MAGI1: variants seen among roughly 807,000 people sequenced by gnomAD.
MAGI1 encodes membrane associated guanylate kinase, WW and PDZ domain containing 1.
A neutral mutation model predicts 139.9 loss-of-function variants in MAGI1; 58 were observed. The observed-to-expected ratio is 0.41, with a 90% CI of 0.34 to 0.52. The LOEUF (loss-of-function observed/expected upper bound fraction) is 0.52. Ranked by LOEUF, MAGI1 falls within the 20% of genes least tolerant of loss-of-function variation. The pLI is 0.12. For synonymous variants in MAGI1, 812 were observed against 737.9 expected (o/e 1.10, Z -1.63); for missense variants, 1,874 against 1,901.6 (o/e 0.99, Z 0.27).
intron 2 of MAGI1, among the ~76,000 whole-genome samples, chr3:65,510,035 C>T (rs2077501142): frequency 6.6e-6 from 1 of 152,056 alleles, no homozygotes; most frequent in Non-Finnish European, 1.5e-5. Context: ...CAGCCCCCAG[C>T]AGGGGCACAC....
rs370502252 is a variant in MAGI1, at chr3:65,370,293, AT to A, written c.3197-5348del. ...AAAAAAAAAAAATTGAGCATCACAT[AT>A]TCACCCTCTGCCAGACTTGATTCCC... On this transcript the variant is annotated intron_variant, in intron 18 of 22. Coordinates refer to ENST00000402939, the MANE Select transcript of MAGI1 (RefSeq NM_001033057.2). Among the ~76,000 whole-genome samples, 25 of 152,288 alleles carry A rather than the reference AT, an allele frequency of 1.6e-4. No individual in the cohort carries two copies. In the South Asian group the frequency reaches 5.2e-3, roughly 32 times the overall value.
intron 1 of MAGI1, among the ~76,000 whole-genome samples, chr3:65,883,131 A>G (rs965381916): frequency 2.0e-5 from 3 of 152,138 alleles, no homozygotes; most frequent in Non-Finnish European, 4.4e-5. Flanking sequence ...GCTGTAGTAA[A>G]ACGTCACAGG....
intron 17 of MAGI1, 50 bp from the exon 18 acceptor site, chr3:65,375,995 C>T (rs1428832855): frequency 1.4e-6 from 2 of 1,392,546 alleles, no homozygotes; most frequent in Admixed American, 1.8e-5. Flanking sequence ...GGGAATATAG[C>T]AAAGGGAAGA....
chr3:65,457,540 T>C (rs1228143848), intron 5 of MAGI1, among the ~76,000 whole-genome samples: 1 of 152,230 alleles, frequency 6.6e-6, no homozygotes, highest in Non-Finnish European at 1.5e-5. Context: ...ATCCAATATA[T>C]GGTTTGTTAG....
At chr3:65,545,984 A>G (rs2079480794) in intron 2 of MAGI1, among the ~76,000 whole-genome samples, 1 of 145,242 alleles carries the variant, frequency 6.9e-6, no homozygotes, top group African/African-American at 2.6e-5. Context: ...TCACACACAC[A>G]CACACACACG....
chr3:66,013,406 T>TAA (rs35481450), intron 1 of MAGI1, among the ~76,000 whole-genome samples: 3,709 of 109,918 alleles, frequency 0.034, 77 homozygotes, highest in Middle Eastern at 0.048. Flanking sequence ...CTGTCTCAAA[T>TAA]AAAAAAAAAA....
At chr3:65,987,407 G>C (rs72909001) in intron 1 of MAGI1, among the ~76,000 whole-genome samples, 4 of 152,016 alleles carry the variant, frequency 2.6e-5, no homozygotes. Context: ...GTAAGTCAAC[G>C]AACACAGTGC....
At chr3:65,995,368 C>A (rs567630698) in intron 1 of MAGI1, among the ~76,000 whole-genome samples, 1 of 152,124 alleles carries the variant, frequency 6.6e-6, no homozygotes, top group African/African-American at 2.4e-5. Flanking sequence ...TGGCTCACAC[C>A]GTCCCAATGC....
intron 1 of MAGI1, among the ~76,000 whole-genome samples, chr3:65,936,927 GTGGTGGTGATGGTGGTGGTGATGGTGA>G (rs2063086250): frequency 2.7e-5 from 4 of 150,492 alleles, no homozygotes; most frequent in South Asian, 4.2e-4. Context: ...GTTGGTGGTG[GTGGTGGTGATGGTGGTGGTGATGGTGA>G]TGGTGGTGGT....
intron 1 of MAGI1, among the ~76,000 whole-genome samples, chr3:65,644,905 G>A (rs988621831): frequency 5.3e-5 from 8 of 151,572 alleles, no homozygotes; most frequent in African/African-American, 1.9e-4. Context: ...GCTGAGGTAG[G>A]AGAATCACTT....
At position 65,486,964 on chromosome 3, in the gene MAGI1, C is replaced by T. The variant is rs150426935; in HGVS notation, c.550+6548G>A. ...GATTGTCATCATCTGTCTTTTCTACCTCGTTCTCACAATAACCAATACATT... is the reference window on the plus strand; with the variant it reads ...GATTGTCATCATCTGTCTTTTCTACTTCGTTCTCACAATAACCAATACATT... On this transcript the variant is annotated intron_variant, in intron 3 of 22. Coordinates refer to ENST00000402939, the MANE Select transcript of MAGI1 (RefSeq NM_001033057.2). Among the ~76,000 whole-genome samples, 837 of 152,258 alleles carry T rather than the reference C, an allele frequency of 5.5e-3. 9 individuals carry two copies. The highest frequency in any genetic ancestry group is 0.017 in the African/African-American group (704 of 41,556).
At chr3:65,420,017 A>G (rs1039211168) in intron 12 of MAGI1, among the ~76,000 whole-genome samples, 5 of 152,134 alleles carry the variant, frequency 3.3e-5, no homozygotes, top group African/African-American at 1.2e-4. Context: ...TGTCTGCCCT[A>G]CAGTCCAAGT....
At chr3:65,669,469 T>C (rs554105245) in intron 1 of MAGI1, among the ~76,000 whole-genome samples, 28 of 152,318 alleles carry the variant, frequency 1.8e-4, no homozygotes, top group African/African-American at 6.0e-4. Flanking sequence ...AAGCAGATGT[T>C]ATCATCCTTT....
At chr3:65,882,586 GAA>G (rs1444032084) in intron 1 of MAGI1, among the ~76,000 whole-genome samples, 1 of 152,076 alleles carries the variant, frequency 6.6e-6, no homozygotes, top group Non-Finnish European at 1.5e-5. Flanking sequence ...GCAAGAGAGA[GAA>G]AGAAAGGAAA....
chr3:66,025,498 C>T (rs1458342474), intron 1 of MAGI1, among the ~76,000 whole-genome samples: 1 of 152,190 alleles, frequency 6.6e-6, no homozygotes, highest in Non-Finnish European at 1.5e-5. Context: ...CGTGCCACTA[C>T]ACTCCAGCCT....
At chr3:65,930,294 C>A (rs574906705) in intron 1 of MAGI1, among the ~76,000 whole-genome samples, 93 of 119,548 alleles carry the variant, frequency 7.8e-4, no homozygotes, top group Middle Eastern at 6.3e-3. Flanking sequence ...CCAGCCTGGG[C>A]GAAAGAGCAA....
At chr3:65,382,199 C>T in intron 15 of MAGI1, 130 bp from the exon 16 acceptor site, 1 of 696,654 alleles carries the variant, frequency 1.4e-6, no homozygotes, top group Non-Finnish European at 2.4e-6. Flanking sequence ...TTATTGAGCA[C>T]CCACTGTGTA....
intron 2 of MAGI1, among the ~76,000 whole-genome samples, chr3:65,570,996 G>C (rs2080931363): frequency 6.6e-6 from 1 of 152,096 alleles, no homozygotes; most frequent in African/African-American, 2.4e-5. Context: ...TTTTTGGAAA[G>C]CCTCAAAATC....
intron 1 of MAGI1, among the ~76,000 whole-genome samples, chr3:65,740,913 A>G (rs2035206037): frequency 6.6e-6 from 1 of 152,216 alleles, no homozygotes; most frequent in African/African-American, 2.4e-5. Flanking sequence ...CTTTGAGATC[A>G]CTATTTTTCC....
Sources: allele counts gnomAD v4.1 joint callset (sites outside exome capture counted in the v4.1 genomes callset), GRCh38; gene constraint gnomAD v4.1.1; transcripts MANE v1.5; gene names NCBI Gene and HGNC (gene_info 2026-07-23, HGNC 2026-07-21).